The following RHBDD2 variants were observed in gnomAD, a reference collection of about 807,000 sequenced individuals.
RHBDD2 encodes the protein rhomboid domain containing 2.
In RHBDD2, 13 loss-of-function variants were observed where a neutral mutation model predicts 21.7. The ratio of observed to expected loss-of-function variants is 0.60; its 90% CI spans 0.39 to 0.95. The LOEUF (loss-of-function observed/expected upper bound fraction) is 0.95, where lower values mean the gene tolerates loss of function less well. Among genes scored for constraint, RHBDD2 ranks in the 40% least tolerant of loss-of-function variants. The pLI is 0.00. For missense variants in RHBDD2, 473 were observed against 478.9 expected (o/e 0.99, Z 0.11); for synonymous variants, 225 against 220.0 (o/e 1.02, Z -0.20).
chr7:75,880,399 C>T (rs781869123), intron 1 of RHBDD2: 1 of 152,164 alleles, frequency 6.6e-6, no homozygotes, highest in East Asian at 1.9e-4. Context: ...ACCTCACAGA[C>T]AGAAGCAAAA....
intron 3 of RHBDD2, among the ~76,000 whole-genome samples, chr7:75,886,961 C>G (rs1356191144): frequency 1.3e-5 from 2 of 152,080 alleles, no homozygotes; most frequent in Non-Finnish European, 2.9e-5. Context: ...GTGTTCCCCA[C>G]GTGACATGGA....
At chr7:75,884,697 G>T (rs1489474166) in intron 3 of RHBDD2, among the ~76,000 whole-genome samples, 1 of 152,208 alleles carries the variant, frequency 6.6e-6, no homozygotes, top group African/African-American at 2.4e-5. Flanking sequence ...GGCATTTGAG[G>T]ACACTTAACA....
intron 1 of RHBDD2, among the ~76,000 whole-genome samples, chr7:75,880,814 C>T (rs1242400316): frequency 2.0e-5 from 3 of 152,162 alleles, no homozygotes; most frequent in Admixed American, 2.0e-4. Flanking sequence ...CAGCGTTCAA[C>T]TCCTGGAATC....
chr7:75,888,094 G>A lies in RHBDD2; in HGVS notation c.840G>A (p.Leu280=). Residue 280 remains leucine, a synonymous_variant, in exon 4 of 4, where the codon CTG becomes CTA. Transcript: ENST00000006777. ...CGCAGCACGCCAGTGGTCAGAAGCT[G>A]GCCTCCTGGCCCTCCTGCACCCCCG... The part of the protein sequence containing the change: ...SQTQHASGQK[L]ASWPSCTPGH... The A allele has an allele frequency of 6.2e-7, 1 of 1,613,784 alleles. No homozygotes were observed. The highest frequency in any genetic ancestry group is 8.5e-7 in the Non-Finnish European group (1 of 1,180,038).
intron 3 of RHBDD2, among the ~76,000 whole-genome samples, chr7:75,884,750 C>T (rs1805553181): frequency 6.6e-6 from 1 of 152,112 alleles, no homozygotes; most frequent in South Asian, 2.1e-4. Flanking sequence ...CAGGAGGGCC[C>T]CCATCTAATT....
At position 75,881,966 on chromosome 7, in the gene RHBDD2, T is replaced by C; in HGVS notation, c.316T>C (p.Phe106Leu). ...CCGCCACTGCTTCTTCACCGTGATCTTCGCCATCTTCTCCGCTATCATCTT... is the reference window on the plus strand; with the variant it reads ...CCGCCACTGCTTCTTCACCGTGATCCTCGCCATCTTCTCCGCTATCATCTT... The part of the protein sequence containing the change: ...TVRHCFFTVI[F>L]AIFSAIIFLS... Residue 106 changes from phenylalanine to leucine, a missense_variant, in exon 2 of 4, where the codon TTC becomes CTC. Physicochemically the swap from Phe to Leu is conservative, Grantham distance 22. Coordinates refer to ENST00000006777, the MANE Select transcript of RHBDD2 (RefSeq NM_001040456.3). 6.2e-7 allele frequency: 1 copy of C among 1,614,278 alleles called. No homozygotes were observed. The highest frequency in any genetic ancestry group is 8.5e-7 in the Non-Finnish European group (1 of 1,180,054).
intron 2 of RHBDD2, 31 bp downstream of exon 2, chr7:75,882,267 A>G (rs1052950180): frequency 6.4e-7 from 1 of 1,560,170 alleles, no homozygotes; most frequent in South Asian, 1.2e-5. Flanking sequence ...CTATAGAACA[A>G]CGCATGTCAA....
Position 75,882,142 on chromosome 7 carries a change from A to G in RHBDD2, c.492A>G (p.Ser164=), listed in dbSNP as rs928185849. ...RALVFGMVVP[S]VLVPWLLLGA... ...TGGTGTTTGGCATGGTTGTGCCCTC[A>G]GTCCTGGTTCCGTGGCTCCTGCTGG... Residue 164 remains serine, a synonymous_variant, in exon 2 of 4, where the codon TCA becomes TCG. Transcript: ENST00000006777. The G allele has an allele frequency of 3.7e-6, 6 of 1,614,038 alleles. No homozygotes were observed. Among genetic ancestry groups the G allele is most frequent in the East Asian group, 4.5e-5 (2 of 44,890 alleles).
rs781825583 is a variant in RHBDD2 at position 75,882,233 on chromosome 7, G to A, written c.583G>A (p.Ala195Thr). The change falls in exon 2 of 4, where the codon GCC (alanine) becomes ACC (threonine). Residue 195 changes from alanine (A) to threonine (T), a missense_variant. By Grantham distance (58) the Ala-to-Thr change is moderately conservative (BLOSUM62 0). Coordinates refer to ENST00000006777, the MANE Select transcript of RHBDD2 (RefSeq NM_001040456.3). ...SNVCGLSIGLAYGLTYCYSID... is the reference protein window; with the variant it reads ...SNVCGLSIGLTYGLTYCYSID... ...TGTCTGCGGGCTGTCCATCGGGCTG[G>A]CCTGTATCCTTCCTAGCAGAGAGCT... 31 of 1,608,144 alleles carry A rather than the reference G, an allele frequency of 1.9e-5. No homozygotes were observed. In the African/African-American group the frequency reaches 3.7e-4, roughly 19 times the overall value.
Position 75,888,221 on chromosome 7 carries a change from T to G in RHBDD2, c.967T>G (p.Ser323Ala), listed in dbSNP as rs1554544472. 1 of 1,613,676 alleles carries G rather than the reference T, an allele frequency of 6.2e-7. No homozygotes were observed. The highest frequency in any genetic ancestry group is 1.1e-5 in the South Asian group (1 of 91,078). Residue 323 changes from serine (S) to alanine (A), a missense_variant, in exon 4 of 4, where the codon TCT becomes GCT. Coordinates refer to ENST00000006777, the MANE Select transcript of RHBDD2 (RefSeq NM_001040456.3). ...NPTSSSVYPA[S>A]AGTSLGIQPP... ...CACCTCCTCCAGTGTCTACCCAGCT[T>G]CTGCGGGCACCTCCCTGGGCATCCA...
chr7:75,881,431 C>T (rs1304763996), intron 1 of RHBDD2: 1 of 1,295,632 alleles, frequency 7.7e-7, no homozygotes, highest in Admixed American at 2.3e-5. Flanking sequence ...AAGTGACACC[C>T]ACTCAATCCA....
chr7:75,883,848 A>G lies in RHBDD2; in HGVS notation c.737A>G (p.Lys246Arg), dbSNP rs1805486745. Reference protein sequence around the residue: ...SAERRAAQSRKLNPVPGSYPT... With the variant: ...SAERRAAQSRRLNPVPGSYPT... ...GAGAGGAGGGCAGCCCAGAGCCGGA[A>G]GTAAGTGACAGAACTCTTAAGTGCT... Residue 246 changes from lysine (K) to arginine (R), a missense_variant and splice_region_variant, in exon 3 of 4, where the codon AAA becomes AGA. Physicochemically the swap from Lys to Arg is conservative, Grantham distance 26. Coordinates refer to ENST00000006777, the MANE Select transcript of RHBDD2 (RefSeq NM_001040456.3). The G allele has an allele frequency of 6.2e-7, 1 of 1,608,588 alleles. No individual in the cohort carries two copies. Among genetic ancestry groups the G allele is most frequent in the Non-Finnish European group, 8.5e-7 (1 of 1,178,402 alleles).
intron 1 of RHBDD2, chr7:75,881,454 T>TA (rs1190632302): frequency 1.5e-6 from 2 of 1,300,040 alleles, no homozygotes; most frequent in Non-Finnish European, 2.0e-6. Context: ...CCGAAGCTGT[T>TA]ACACTTAATT....
intron 1 of RHBDD2, among the ~76,000 whole-genome samples, chr7:75,880,865 A>G (rs1158353877): frequency 6.6e-6 from 1 of 152,142 alleles, no homozygotes; most frequent in Non-Finnish European, 1.5e-5. Flanking sequence ...AGCTGGGACT[A>G]CAAGTACACA....
intron 1 of RHBDD2, among the ~76,000 whole-genome samples, chr7:75,880,869 G>C (rs534165958): frequency 6.6e-6 from 1 of 152,238 alleles, no homozygotes; most frequent in South Asian, 2.1e-4. Flanking sequence ...GGGACTACAA[G>C]TACACATCAT....
intron 3 of RHBDD2, among the ~76,000 whole-genome samples, 161 bp from the exon 4 acceptor site, chr7:75,887,831 G>T (rs1805771895): frequency 6.6e-6 from 1 of 151,838 alleles, no homozygotes; most frequent in South Asian, 2.1e-4. Flanking sequence ...TCTGTGGTCT[G>T]ATTGGTTGAG....
At position 75,888,280 on chromosome 7, in the gene RHBDD2, G is replaced by C; in HGVS notation, c.1026G>C (p.Val342=). 1 of 1,613,462 alleles carries C rather than the reference G, an allele frequency of 6.2e-7. No homozygotes were observed. Among genetic ancestry groups the C allele is most frequent in the Non-Finnish European group, 8.5e-7 (1 of 1,179,992 alleles). Residue 342 remains valine (V), a synonymous_variant, in exon 4 of 4, where the codon GTG becomes GTC. Transcript: ENST00000006777. ...PPTPVNSPGT[V]YSGALGTPGA... The stretch of plus-strand genomic sequence containing the variant: ...CGCCTGTGAACAGCCCTGGCACGGT[G>C]TATTCTGGGGCCTTGGGCACACCAG...
chr7:75,879,146 T>A lies in RHBDD2; in HGVS notation c.64T>A (p.Phe22Ile), dbSNP rs1345653826. ...CLCPEVPSAT[F>I]FTALLSLLVS... is the part of the protein sequence containing the mutation. ...GTGTCCCGAGGTGCCATCCGCCACC[T>A]TCTTCACTGCGCTGCTCTCGCTGCT... Residue 22 changes from phenylalanine to isoleucine, a missense_variant, in exon 1 of 4, where the codon TTC (phenylalanine) becomes ATC (isoleucine). Phe to Ile is a conservative substitution (Grantham distance 21). Coordinates refer to ENST00000006777, the MANE Select transcript of RHBDD2 (RefSeq NM_001040456.3). The A allele has an allele frequency of 6.8e-6, 10 of 1,465,898 alleles. No individual in the cohort carries two copies. Among genetic ancestry groups the A allele is most frequent in the Admixed American group, 5.0e-5 (2 of 40,200 alleles). The allele number at this position is 1,465,898 out of a possible 1,614,324, so 90.8% of individuals were successfully genotyped here.
chr7:75,882,187 C>G lies in RHBDD2; in HGVS notation c.537C>G (p.Pro179=). Reference sequence around the variant, plus strand: ...TGCTGGGTGCCTCGTGGCTCATTCCCCAGACCTCTTTCCTCAGTAATGTCT... The same window carrying G: ...TGCTGGGTGCCTCGTGGCTCATTCCGCAGACCTCTTTCCTCAGTAATGTCT... The part of the protein sequence containing the change: ...WLLLGASWLI[P]QTSFLSNVCG... The change falls in exon 2 of 4, where the codon CCC becomes CCG. Residue 179 remains proline, a synonymous_variant. Coordinates refer to ENST00000006777, the MANE Select transcript of RHBDD2 (RefSeq NM_001040456.3). 2 of 1,614,084 alleles carry G rather than the reference C, an allele frequency of 1.2e-6. No individual in the cohort carries two copies. Among genetic ancestry groups the G allele is most frequent in the South Asian group, 1.1e-5 (1 of 91,062 alleles).
Sources: gnomAD v4.1 joint callset for allele counts (sites outside exome capture counted in the v4.1 genomes callset) on GRCh38, gnomAD v4.1.1 for gene constraint, MANE v1.5 for transcripts, NCBI Gene and HGNC (gene_info 2026-07-23, HGNC 2026-07-21) for gene names.